Variants in SDK2 observed in about 807,000 individuals in gnomAD.
SDK2 encodes sidekick cell adhesion molecule 2.
SDK2 carries 105 observed loss-of-function variants against 253.9 expected under a neutral mutation model. That is an observed-to-expected ratio of 0.41 (90% confidence interval 0.35 to 0.49). The LOEUF (loss-of-function observed/expected upper bound fraction) is 0.49. SDK2 is among the 20% of genes least tolerant of loss of function. The pLI is 0.06. For missense variants in SDK2, 2,608 were observed against 3,003.0 expected (o/e 0.87, Z 3.07); for synonymous variants, 1,249 against 1,234.9 (o/e 1.01, Z -0.24).
chr17:73,577,300 T>C (rs534821030), intron 1 of SDK2, among the ~76,000 whole-genome samples: 3 of 152,370 alleles, frequency 2.0e-5, no homozygotes, highest in African/African-American at 7.2e-5. Flanking sequence ...GTGGAATCCA[T>C]TGGCACCAAA....
At chr17:73,373,884 A>C (rs58186903) in intron 36 of SDK2, among the ~76,000 whole-genome samples, 1 of 146,338 alleles carries the variant, frequency 6.8e-6, no homozygotes, top group African/African-American at 2.7e-5. Flanking sequence ...TGATCTGCCT[A>C]CCTTGGCTTC....
chr17:73,472,968 G>A (rs1033217055), intron 2 of SDK2, among the ~76,000 whole-genome samples: 7 of 152,218 alleles, frequency 4.6e-5, no homozygotes, highest in Non-Finnish European at 1.0e-4. Context: ...CAGCCACATG[G>A]AACTGTGAGT....
chr17:73,414,824 G>C, intron 17 of SDK2, 65 bp from the exon 18 acceptor site: 2 of 1,060,412 alleles, frequency 1.9e-6, no homozygotes, highest in Non-Finnish European at 2.9e-6. Flanking sequence ...GCCCAGTTCA[G>C]TAGAGAAAAC....
At chr17:73,416,241 G>C (rs1212750499) in intron 16 of SDK2, among the ~76,000 whole-genome samples, 1 of 127,780 alleles carries the variant, frequency 7.8e-6, no homozygotes, top group Admixed American at 9.6e-5. Flanking sequence ...CTGTCACCCA[G>C]GCTGGAGCGC....
intron 8 of SDK2, among the ~76,000 whole-genome samples, chr17:73,436,368 G>C (rs1220928254): frequency 6.6e-6 from 1 of 152,088 alleles, no homozygotes; most frequent in African/African-American, 2.4e-5. Flanking sequence ...CCTGAGCTCA[G>C]GAGTTTGAGA....
At chr17:73,356,689 CT>C (rs1568363687) in intron 40 of SDK2, among the ~76,000 whole-genome samples, 1 of 152,172 alleles carries the variant, frequency 6.6e-6, no homozygotes, top group African/African-American at 2.4e-5. Flanking sequence ...CCCTTGCCCC[CT>C]CTCCTCCCTC....
intron 1 of SDK2, among the ~76,000 whole-genome samples, chr17:73,529,678 A>G (rs998860595): frequency 2.5e-4 from 38 of 152,274 alleles, no homozygotes; most frequent in African/African-American, 7.5e-4. Flanking sequence ...GAAGATGACC[A>G]TGGGAAGACA....
chr17:73,504,720 GA>G (rs59079070), intron 2 of SDK2, among the ~76,000 whole-genome samples: 1 of 150,522 alleles, frequency 6.6e-6, no homozygotes, highest in Non-Finnish European at 1.5e-5. Flanking sequence ...CCCTGCAGGA[GA>G]AAAAAAAGTT....
At chr17:73,491,049 T>C (rs761804065) in intron 2 of SDK2, among the ~76,000 whole-genome samples, 28 of 152,218 alleles carry the variant, frequency 1.8e-4, no homozygotes, top group Non-Finnish European at 3.5e-4. Context: ...CTATAGCCCC[T>C]ACCTGAAGAT....
chr17:73,480,079 A>G (rs2063711863), intron 2 of SDK2, among the ~76,000 whole-genome samples: 1 of 152,176 alleles, frequency 6.6e-6, no homozygotes. Flanking sequence ...CTAGGACTTT[A>G]ACGTATCCAC....
At chr17:73,620,896 C>A (rs1478512640) in intron 1 of SDK2, among the ~76,000 whole-genome samples, 2 of 152,088 alleles carry the variant, frequency 1.3e-5, no homozygotes, top group Non-Finnish European at 2.9e-5. Context: ...TAAGGGGTTT[C>A]CTTTTGGGGT....
At chr17:73,339,106 C>T (rs1568356106) in intron 44 of SDK2, among the ~76,000 whole-genome samples, 166 bp from the exon 45 acceptor site, 1 of 152,190 alleles carries the variant, frequency 6.6e-6, no homozygotes, top group Non-Finnish European at 1.5e-5. Flanking sequence ...GTCTGGTGCC[C>T]GTTTGTGCCC....
intron 1 of SDK2, among the ~76,000 whole-genome samples, chr17:73,557,140 T>C (rs2045155570): frequency 6.6e-6 from 1 of 152,176 alleles, no homozygotes; most frequent in Non-Finnish European, 1.5e-5. Flanking sequence ...ATCTATACAA[T>C]GGGAATAATG....
At chr17:73,544,047 T>A (rs188232140) in intron 1 of SDK2, among the ~76,000 whole-genome samples, 1 of 152,330 alleles carries the variant, frequency 6.6e-6, no homozygotes, top group East Asian at 1.9e-4. Flanking sequence ...GCACAGCATG[T>A]TTGGGACACA....
chr17:73,518,354 G>A (rs889082442), intron 1 of SDK2: 13 of 152,228 alleles, frequency 8.5e-5, no homozygotes, highest in African/African-American at 3.1e-4. Flanking sequence ...TGAAAAATAG[G>A]GATAGCAGTG....
At chr17:73,515,139 T>C (rs541439251) in intron 1 of SDK2, among the ~76,000 whole-genome samples, 37 of 152,334 alleles carry the variant, frequency 2.4e-4, no homozygotes, top group African/African-American at 8.4e-4. Context: ...CCCATTTTAA[T>C]AGGAGAAAAC....
intron 39 of SDK2, among the ~76,000 whole-genome samples, chr17:73,360,090 C>A (rs2062628196): frequency 1.3e-5 from 2 of 152,226 alleles, no homozygotes. Context: ...TGTCCCCAGG[C>A]CACTGCCAAC....
chr17:73,418,508 A>G (rs140292151), intron 16 of SDK2, among the ~76,000 whole-genome samples: 10 of 152,340 alleles, frequency 6.6e-5, no homozygotes, highest in Middle Eastern at 3.4e-3. Flanking sequence ...ATAGTGGAGC[A>G]GTTAAACCCC....
rs760907273 is a variant in SDK2, at chr17:73,401,153, C to A, written c.2838G>T (p.Leu946=). The change falls in exon 21 of 45, where the codon CTG becomes CTT. Residue 946 remains leucine, a synonymous_variant. Transcript: ENST00000392650. The stretch of plus-strand genomic sequence containing the variant: ...CACGGTACTCCAGGGTCACGTTGGG[C>A]AGGTAGTGGGTCACACGGGTGTTGG... The part of the protein sequence containing the change: ...NRTNTRVTHY[L]PNVTLEYRVT... The A allele has an allele frequency of 6.4e-7, 1 of 1,560,062 alleles. No homozygotes were observed. Among genetic ancestry groups the A allele is most frequent in the South Asian group, 1.2e-5 (1 of 84,492 alleles).
Sources: allele counts gnomAD v4.1 joint callset (sites outside exome capture counted in the v4.1 genomes callset), GRCh38; gene constraint gnomAD v4.1.1; transcripts MANE v1.5; gene names NCBI Gene and HGNC (gene_info 2026-07-23, HGNC 2026-07-21).